The following ZNF493 variants were observed in gnomAD, a reference collection of about 807,000 sequenced individuals.
ZNF493 encodes zinc finger protein 493.
In ZNF493, 11 loss-of-function variants were observed where a neutral mutation model predicts 12.2. That is an observed-to-expected ratio of 0.90 (90% CI 0.57 to 1.50). The LOEUF (loss-of-function observed/expected upper bound fraction) is 1.50. Ranked by LOEUF, ZNF493 falls within the 40% of genes most tolerant of loss-of-function variation. The probability of loss-of-function intolerance (pLI) is 0.00; values close to 1 mark genes in which losing one functional copy is unlikely to be tolerated. For synonymous variants in ZNF493, 286 were observed against 302.6 expected (o/e 0.95, Z 0.57); for missense variants, 950 against 906.6 (o/e 1.05, Z -0.61).
chr19:21,399,662 T>G (rs1368385627), intron 1 of ZNF493, among the ~76,000 whole-genome samples: 2 of 152,244 alleles, frequency 1.3e-5, no homozygotes, highest in African/African-American at 4.8e-5. Flanking sequence ...TGTTAAAAAT[T>G]CTCATGTACC....
At chr19:21,410,696 T>G (rs1256134374) in intron 3 of ZNF493, among the ~76,000 whole-genome samples, 1 of 152,190 alleles carries the variant, frequency 6.6e-6, no homozygotes, top group African/African-American at 2.4e-5. Flanking sequence ...GTTCATGCAT[T>G]TAATATCATA....
At chr19:21,397,744 T>C (rs943880687) in intron 1 of ZNF493, 3 of 264,082 alleles carry the variant, frequency 1.1e-5, no homozygotes, top group Non-Finnish European at 2.1e-5. Context: ...AGCTATGGTT[T>C]GTAGTTTGTG....
intron 3 of ZNF493, among the ~76,000 whole-genome samples, chr19:21,415,235 T>C (rs2030451771): frequency 6.6e-6 from 1 of 152,222 alleles, no homozygotes; most frequent in Admixed American, 6.5e-5. Flanking sequence ...ATTTGAGCTT[T>C]ATGGACTTGC....
intron 3 of ZNF493, among the ~76,000 whole-genome samples, chr19:21,417,740 A>T (rs1453786420): frequency 1.3e-5 from 2 of 152,114 alleles, no homozygotes; most frequent in African/African-American, 4.8e-5. Flanking sequence ...TAATTTGAGG[A>T]TGGGCCTGGG....
rs140067605 is a variant in ZNF493 at position 21,424,073 on chromosome 19, C to T, written c.1414C>T (p.Arg472Ter). Reference protein sequence around the residue: ...KCEECGKAFKRSSTLTKHRII... With the variant: ...KCEECGKAFK Reference sequence around the variant, plus strand: ...TGAAGAATGTGGCAAAGCTTTTAAACGATCTTCAACCCTTACTAAACATAG... The same window carrying T: ...TGAAGAATGTGGCAAAGCTTTTAAATGATCTTCAACCCTTACTAAACATAG... The change falls in exon 4 of 4, where the codon CGA (arginine) becomes TGA (stop). Residue 472 changes from arginine (R) to a stop codon, truncating the protein, a stop_gained. Coordinates refer to ENST00000392288, the MANE Select transcript of ZNF493 (RefSeq NM_001076678.3). LOFTEE classifies it low-confidence loss of function (END_TRUNC). The T allele has an allele frequency of 1.2e-4, 199 of 1,611,222 alleles. No individual in the cohort carries two copies. Among genetic ancestry groups the T allele is most frequent in the Middle Eastern group, 3.3e-4 (2 of 6,038 alleles).
Position 21,423,079 on chromosome 19 carries a change from T to A in ZNF493, c.420T>A (p.Asn140Lys), listed in dbSNP as rs758843289. ...GTAATGTGCACAAAGAAGGTTATAATGAACTAAACCAGTATTTGACAACTA... is the reference window on the plus strand; with the variant it reads ...GTAATGTGCACAAAGAAGGTTATAAAGAACTAAACCAGTATTTGACAACTA... ...NECNVHKEGY[N>K]ELNQYLTTTQ... is the part of the protein sequence containing the mutation. Residue 140 changes from asparagine to lysine, a missense_variant, in exon 4 of 4, where the codon AAT becomes AAA. Transcript: ENST00000392288. 6 of 1,613,756 alleles carry A rather than the reference T, an allele frequency of 3.7e-6. No homozygotes were observed. Among genetic ancestry groups the A allele is most frequent in the Non-Finnish European group, 5.1e-6 (6 of 1,179,844 alleles).
chr19:21,415,444 CCTTT>C (rs2030458501), intron 3 of ZNF493, among the ~76,000 whole-genome samples: 2 of 152,236 alleles, frequency 1.3e-5, no homozygotes, highest in East Asian at 3.9e-4. Context: ...ACATATTGTT[CCTTT>C]CTGTGGCACA....
chr19:21,423,053 T>G lies in ZNF493; in HGVS notation c.394T>G (p.Cys132Gly), dbSNP rs1053239581. The G allele has an allele frequency of 1.9e-6, 3 of 1,613,566 alleles. No homozygotes were observed. Among genetic ancestry groups the G allele is most frequent in the Non-Finnish European group, 2.5e-6 (3 of 1,179,832 alleles). ...AAAAGGATGTAAAAGTATGAATGAGTGTAATGTGCACAAAGAAGGTTATAA... is the reference window on the plus strand; with the variant it reads ...AAAAGGATGTAAAAGTATGAATGAGGGTAATGTGCACAAAGAAGGTTATAA... ...LRKGCKSMNE[C>G]NVHKEGYNEL... Residue 132 changes from cysteine (C) to glycine (G), a missense_variant, in exon 4 of 4, where the codon TGT becomes GGT. Transcript: ENST00000392288.
At position 21,425,421 on chromosome 19, in the gene ZNF493, A is replaced by G. The variant is rs1299617582; in HGVS notation, c.*437A>G. 6 of 441,738 alleles carry G rather than the reference A, an allele frequency of 1.4e-5. No homozygotes were observed. Among genetic ancestry groups the G allele is most frequent in the African/African-American group, 1.2e-4 (6 of 48,936 alleles). The allele number at this position is 441,738 out of a possible 1,614,324, so 27.4% of individuals were successfully genotyped here. On this transcript the variant is annotated 3_prime_UTR_variant, in exon 4 of 4. Transcript: ENST00000392288. ...CCTTACTAAACATAAAATAATTCAT[A>G]AAGGAGATAAATTATACAAATGTGA...
intron 3 of ZNF493, among the ~76,000 whole-genome samples, chr19:21,410,657 A>G (rs1445605846): frequency 6.6e-6 from 1 of 152,074 alleles, no homozygotes; most frequent in Non-Finnish European, 1.5e-5. Context: ...AGTATAGTGT[A>G]GTTACATTTT....
intron 1 of ZNF493, 157 bp downstream of exon 1, chr19:21,397,424 T>A: frequency 1.1e-6 from 1 of 951,680 alleles, no homozygotes; most frequent in Non-Finnish European, 1.7e-6. Context: ...CCTTCAGCCG[T>A]AAGTTGGCGG....
chr19:21,399,343 G>A (rs1369772293), intron 1 of ZNF493, among the ~76,000 whole-genome samples: 1 of 151,248 alleles, frequency 6.6e-6, no homozygotes, highest in South Asian at 2.1e-4. Flanking sequence ...TGTGTTTTTA[G>A]TAGAGACAGG....
chr19:21,405,907 TAAAA>T (rs386388731), intron 3 of ZNF493, 51 bp downstream of exon 3: 91 of 180,322 alleles, frequency 5.0e-4, no homozygotes, highest in Middle Eastern at 2.3e-3. Context: ...TTGAAAGATT[TAAAA>T]AAAAAAAAAA....
intron 1 of ZNF493, chr19:21,398,673 G>T: frequency 2.7e-6 from 1 of 364,998 alleles, no homozygotes. Flanking sequence ...GGGCTGAGGG[G>T]AATCTTCCGG....
In ZNF493 at chr19:21,424,947, A is replaced by G. The variant is rs142021141; in HGVS notation, c.2288A>G (p.His763Arg). The G allele has an allele frequency of 1.2e-6, 2 of 1,602,426 alleles. No homozygotes were observed. Among genetic ancestry groups the G allele is most frequent in the Non-Finnish European group, 1.7e-6 (2 of 1,174,860 alleles). Reference protein sequence around the residue: ...SSHLSRHKIIHIGIHTEETVQ... With the variant: ...SSHLSRHKIIRIGIHTEETVQ... ...CATCTTAGTAGACATAAGATAATTC[A>G]TATTGGAATTCATACTGAAGAGACT... The change falls in exon 4 of 4, where the codon CAT (histidine) becomes CGT (arginine). Residue 763 changes from histidine to arginine, a missense_variant. His to Arg is a conservative substitution (Grantham distance 29). Transcript: ENST00000392288.
rs765670376 is a variant in ZNF493, at chr19:21,424,062, A to C, written c.1403A>C (p.Lys468Thr). The C allele has an allele frequency of 4.3e-6, 7 of 1,612,586 alleles. No individual in the cohort carries two copies. The highest frequency in any genetic ancestry group is 5.9e-6 in the Non-Finnish European group (7 of 1,179,170). The change falls in exon 4 of 4, where the codon AAA becomes ACA. Residue 468 changes from lysine to threonine, a missense_variant. By Grantham distance (78) the Lys-to-Thr change is moderately conservative. Coordinates refer to ENST00000392288, the MANE Select transcript of ZNF493 (RefSeq NM_001076678.3). ...CCCTACAAATGTGAAGAATGTGGCA[A>C]AGCTTTTAAACGATCTTCAACCCTT... The part of the protein sequence containing the change: ...EKPYKCEECG[K>T]AFKRSSTLTK...
At chr19:21,400,809 C>T (rs1030228800) in intron 1 of ZNF493, among the ~76,000 whole-genome samples, 1 of 152,166 alleles carries the variant, frequency 6.6e-6, no homozygotes, top group African/African-American at 2.4e-5. Flanking sequence ...GATTTAGTAT[C>T]CTGAAACTTT....
At chr19:21,401,763 T>A (rs1362320744) in intron 1 of ZNF493, among the ~76,000 whole-genome samples, 1 of 151,448 alleles carries the variant, frequency 6.6e-6, no homozygotes, top group African/African-American at 2.4e-5. Context: ...TAGCTGGAAT[T>A]ACAAGTGTGC....
At chr19:21,404,311 A>C (rs1198057758) in intron 1 of ZNF493, among the ~76,000 whole-genome samples, 2 of 152,260 alleles carry the variant, frequency 1.3e-5, no homozygotes, top group Non-Finnish European at 2.9e-5. Flanking sequence ...ATATCTCAGC[A>C]GTGATGATGT....
Sources: gnomAD v4.1 joint callset for allele counts (sites outside exome capture counted in the v4.1 genomes callset) on GRCh38, gnomAD v4.1.1 for gene constraint, MANE v1.5 for transcripts, NCBI Gene and HGNC (gene_info 2026-07-23, HGNC 2026-07-21) for gene names.